TMEM14A: variants seen among roughly 807,000 people sequenced by gnomAD.
TMEM14A encodes transmembrane protein 14A.
Under a neutral mutation model 11.6 loss-of-function variants are expected in TMEM14A, and 8 were observed. The ratio of observed to expected loss-of-function variants is 0.69; its 90% confidence interval spans 0.40 to 1.24. The LOEUF is 1.24. Ranked by LOEUF, TMEM14A falls within the 50% of genes most tolerant of loss-of-function variation. The pLI is 0.01. For synonymous variants in TMEM14A, 34 were observed against 45.5 expected (o/e 0.75, Z 1.02); for missense variants, 108 against 121.9 (o/e 0.89, Z 0.54).
At position 52,684,123 on chromosome 6, in the gene TMEM14A, G is replaced by A. The variant is rs372810348; in HGVS notation, c.218G>A (p.Arg73Lys). Reference sequence around the variant, plus strand: ...ACCATAATGGGTGTGAGATTTAAGAGGTCCAAGAAAATAATGCCTGCTGGT... The same window carrying A: ...ACCATAATGGGTGTGAGATTTAAGAAGTCCAAGAAAATAATGCCTGCTGGT... ...LATIMGVRFKRSKKIMPAGLV... is the reference protein window; with the variant it reads ...LATIMGVRFKKSKKIMPAGLV... The change falls in exon 4 of 5, where the codon AGG becomes AAG. Residue 73 changes from arginine (R) to lysine (K), a missense_variant. By Grantham distance (26) the Arg-to-Lys change is conservative. Transcript: ENST00000211314. The A allele has an allele frequency of 3.7e-6, 6 of 1,613,732 alleles. No homozygotes were observed. Among genetic ancestry groups the A allele is most frequent in the Non-Finnish European group, 5.1e-6 (6 of 1,179,894 alleles).
chr6:52,685,863 G>A, intron 4 of TMEM14A, 147 bp from the exon 5 acceptor site: 1 of 529,950 alleles, frequency 1.9e-6, no homozygotes, highest in Non-Finnish European at 3.2e-6. Flanking sequence ...TTATGTCTGG[G>A]ATGTTTTAAT....
At chr6:52,680,657 G>GTGTGTA (rs1769357098) in intron 2 of TMEM14A, among the ~76,000 whole-genome samples, 1 of 46,658 alleles carries the variant, frequency 2.1e-5, no homozygotes, top group Non-Finnish European at 4.1e-5. Context: ...ATATGTGTGT[G>GTGTGTA]TATATATATG....
Position 52,684,102 on chromosome 6 carries a change from T to A in TMEM14A, c.197T>A (p.Ile66Lys). The A allele has an allele frequency of 6.2e-7, 1 of 1,613,892 alleles. No individual in the cohort carries two copies. Among genetic ancestry groups the A allele is most frequent in the Non-Finnish European group, 8.5e-7 (1 of 1,179,880 alleles). The change falls in exon 4 of 5, where the codon ATA becomes AAA. Residue 66 changes from isoleucine to lysine, a missense_variant. Ile to Lys is a moderately radical substitution (Grantham distance 102). Coordinates refer to ENST00000211314, the MANE Select transcript of TMEM14A (RefSeq NM_014051.4). ...SLFTAFFLAT[I>K]MGVRFKRSKK... ...GTTACAGCTTTCTTCCTGGCTACCATAATGGGTGTGAGATTTAAGAGGTCC... is the reference window on the plus strand; with the variant it reads ...GTTACAGCTTTCTTCCTGGCTACCAAAATGGGTGTGAGATTTAAGAGGTCC...
chr6:52,680,662 T>TATATATATACAC lies in TMEM14A; in HGVS notation c.71-1147_71-1146insATATACACATAT, dbSNP rs1769358620. Among the ~76,000 whole-genome samples the TATATATATACAC allele has an allele frequency of 6.1e-5, 5 of 81,820 alleles. 1 individual carries two copies. Among genetic ancestry groups the TATATATATACAC allele is most frequent in the Admixed American group, 4.1e-4 (3 of 7,230 alleles). 53.7% of individuals were successfully genotyped at this position (81,820 alleles called of 152,430 possible). On this transcript the variant is annotated intron_variant, in intron 2 of 4. Transcript: ENST00000211314. ...GTGTGTATATATATGTGTGTGTATA[T>TATATATATACAC]ATATGTGTATATATATATATACATA... is the stretch of plus-strand genomic sequence containing the variant.
chr6:52,680,669 G>GTGTGTGTATA (rs1769360469), intron 2 of TMEM14A, among the ~76,000 whole-genome samples: 13 of 35,970 alleles, frequency 3.6e-4, no homozygotes, highest in Admixed American at 1.5e-3. Flanking sequence ...ATATATATGT[G>GTGTGTGTATA]TATATATATA....
Position 52,686,162 on chromosome 6 carries a change from G to C in TMEM14A, c.*113G>C, listed in dbSNP as rs1769489854. The C allele has an allele frequency of 9.7e-7, 1 of 1,026,924 alleles. No individual in the cohort carries two copies. The highest frequency in any genetic ancestry group is 2.6e-5 in the Admixed American group (1 of 38,658). The allele number at this position is 1,026,924 out of a possible 1,614,324, so 63.6% of individuals were successfully genotyped here. On this transcript the variant is annotated 3_prime_UTR_variant, in exon 5 of 5. Coordinates refer to ENST00000211314, the MANE Select transcript of TMEM14A (RefSeq NM_014051.4). ...ATATGGAATGCTAGAAACACAAATAGCACTGTCACCTCTAATATGAACATT... is the reference window on the plus strand; with the variant it reads ...ATATGGAATGCTAGAAACACAAATACCACTGTCACCTCTAATATGAACATT...
At chr6:52,675,925 G>A (rs1348508312) in intron 1 of TMEM14A, among the ~76,000 whole-genome samples, 1 of 152,174 alleles carries the variant, frequency 6.6e-6, no homozygotes, top group Non-Finnish European at 1.5e-5. Flanking sequence ...AAGGAAATTA[G>A]GAGGTAATTA....
At position 52,686,063 on chromosome 6, in the gene TMEM14A, C is replaced by T. The variant is rs771871773; in HGVS notation, c.*14C>T. 2 of 1,609,550 alleles carry T rather than the reference C, an allele frequency of 1.2e-6. No homozygotes were observed. Among genetic ancestry groups the T allele is most frequent in the South Asian group, 1.1e-5 (1 of 90,402 alleles). On this transcript the variant is annotated 3_prime_UTR_variant, in exon 5 of 5. Transcript: ENST00000211314. ...TTGCTGCTCTGAGCATCTGGAGGAA[C>T]AGAAAACTAAGTTCATGTCATCCTG...
intron 2 of TMEM14A, among the ~76,000 whole-genome samples, chr6:52,679,139 A>C (rs909850024): frequency 7.9e-5 from 12 of 152,192 alleles, no homozygotes; most frequent in African/African-American, 2.7e-4. Context: ...GGTTAAACGG[A>C]GAAGCTGATA....
At chr6:52,672,305 A>G (rs139953418) in intron 1 of TMEM14A, among the ~76,000 whole-genome samples, 132 of 152,184 alleles carry the variant, frequency 8.7e-4, no homozygotes, top group Non-Finnish European at 1.0e-3. Context: ...GTAAAAGGGT[A>G]TGGGTCCTCA....
intron 1 of TMEM14A, among the ~76,000 whole-genome samples, chr6:52,672,250 C>T (rs1260698179): frequency 6.6e-6 from 1 of 151,906 alleles, no homozygotes; most frequent in Non-Finnish European, 1.5e-5. Flanking sequence ...CTTGGTTTGC[C>T]CTCAAGGAGC....
rs534981172 is a variant in TMEM14A at position 52,673,566 on chromosome 6, C to T, written c.-17+2321C>T. Reference sequence around the variant, plus strand: ...TTAATAGGGGTTTGGCACAACATCTCTCCAAGGTCCCAGCTGGGACCCTGT... The same window carrying T: ...TTAATAGGGGTTTGGCACAACATCTTTCCAAGGTCCCAGCTGGGACCCTGT... On this transcript the variant is annotated intron_variant, in intron 1 of 4. Transcript: ENST00000211314. Among the ~76,000 whole-genome samples, 50 of 152,242 alleles carry T rather than the reference C, an allele frequency of 3.3e-4. 1 individual carries two copies. Among genetic ancestry groups the T allele is most frequent in the Non-Finnish European group, 1.6e-4 (11 of 68,022 alleles).
At chr6:52,674,889 C>CTTTTTTT (rs35094326) in intron 1 of TMEM14A, among the ~76,000 whole-genome samples, 4 of 139,456 alleles carry the variant, frequency 2.9e-5, no homozygotes, top group African/African-American at 8.2e-5. Flanking sequence ...AATTCTTCTT[C>CTTTTTTT]TTTTTTTTTT....
chr6:52,675,409 G>A (rs557233650), intron 1 of TMEM14A, among the ~76,000 whole-genome samples: 1 of 152,302 alleles, frequency 6.6e-6, no homozygotes, highest in East Asian at 1.9e-4. Flanking sequence ...AAGCTGTAAA[G>A]AACTCCAGAA....
chr6:52,676,051 G>C (rs1424772825), intron 1 of TMEM14A, among the ~76,000 whole-genome samples: 1 of 152,164 alleles, frequency 6.6e-6, no homozygotes, highest in African/African-American at 2.4e-5. Flanking sequence ...GAAAAGTGAA[G>C]ATTGTAGTGT....
chr6:52,679,437 A>G (rs774992573), intron 2 of TMEM14A, among the ~76,000 whole-genome samples: 12 of 152,168 alleles, frequency 7.9e-5, no homozygotes, highest in Non-Finnish European at 1.3e-4. Flanking sequence ...TGACACAGCA[A>G]TCCCTTCAGA....
At chr6:52,672,322 G>T (rs1437596023) in intron 1 of TMEM14A, among the ~76,000 whole-genome samples, 1 of 152,016 alleles carries the variant, frequency 6.6e-6, no homozygotes, top group Non-Finnish European at 1.5e-5. Flanking sequence ...CTCAAGAGAA[G>T]ATCGCAGGAA....
intron 3 of TMEM14A, among the ~76,000 whole-genome samples, chr6:52,683,795 A>G (rs1193627151): frequency 2.0e-5 from 3 of 152,072 alleles, no homozygotes; most frequent in African/African-American, 4.8e-5. Flanking sequence ...TTGTATTTTT[A>G]GTAGAGACGA....
At chr6:52,680,653 G>GTATATATATATATACATATA (rs1769356255) in intron 2 of TMEM14A, among the ~76,000 whole-genome samples, 1 of 26,990 alleles carries the variant, frequency 3.7e-5, no homozygotes, top group Non-Finnish European at 7.6e-5. Flanking sequence ...ATATATATGT[G>GTATATATATATATACATATA]TGTGTATATA....
Sources: gnomAD v4.1 joint callset for allele counts (sites outside exome capture counted in the v4.1 genomes callset) on GRCh38, gnomAD v4.1.1 for gene constraint, MANE v1.5 for transcripts, NCBI Gene and HGNC (gene_info 2026-07-23, HGNC 2026-07-21) for gene names.